C7orf33: variants seen among roughly 807,000 people sequenced by gnomAD.
C7orf33 encodes chromosome 7 open reading frame 33.
Under a neutral mutation model 13.4 loss-of-function variants are expected in C7orf33, and 15 were observed. The ratio of observed to expected loss-of-function variants is 1.12; its 90% confidence interval spans 0.75 to 1.72. C7orf33 has a LOEUF of 1.72. C7orf33 is among the 40% of genes most tolerant of loss of function. The pLI is 0.00. For missense variants in C7orf33, 187 were observed against 220.3 expected (o/e 0.85, Z 0.96); for synonymous variants, 73 against 83.2 (o/e 0.88, Z 0.67).
chr7:148,597,685 G>A lies in C7orf33; in HGVS notation c.204+6556G>A, dbSNP rs115985133. 7.7e-3 allele frequency among the ~76,000 whole-genome samples: 1,165 copies of A among 152,206 alleles called. 17 individuals are homozygous for A. Among genetic ancestry groups the A allele is most frequent in the African/African-American group, 0.027 (1,109 of 41,536 alleles). On this transcript the variant is annotated intron_variant, in intron 1 of 2. Transcript: ENST00000307003. ...CCTTCCCAATCTCCCATCCCAAAAA[G>A]TAACCATTATTCTGAATTCATTGTG...
intron 1 of C7orf33, among the ~76,000 whole-genome samples, chr7:148,606,939 C>CACACACACACAT: frequency 6.6e-6 from 1 of 151,172 alleles, no homozygotes; most frequent in African/African-American, 2.4e-5. Flanking sequence ...AAAATACACA[C>CACACACACACAT]ACACACACAC....
chr7:148,595,496 T>A (rs1447760931), intron 1 of C7orf33, among the ~76,000 whole-genome samples: 1 of 125,610 alleles, frequency 8.0e-6, no homozygotes, highest in Non-Finnish European at 1.5e-5. Context: ...ATACTATAGA[T>A]CTATATTATA....
intron 1 of C7orf33, among the ~76,000 whole-genome samples, chr7:148,600,328 A>G (rs544334662): frequency 9.9e-5 from 15 of 152,220 alleles, no homozygotes; most frequent in African/African-American, 3.4e-4. Context: ...AAAATTAGCT[A>G]GCCATGGTGG....
At chr7:148,591,580 AGTT>A (rs1197209620) in intron 1 of C7orf33, among the ~76,000 whole-genome samples, 4 of 151,766 alleles carry the variant, frequency 2.6e-5, no homozygotes, top group Admixed American at 1.3e-4. Flanking sequence ...AAAGACCAGG[AGTT>A]GTTGTTGTTG....
chr7:148,591,720 A>G (rs367816287), intron 1 of C7orf33, among the ~76,000 whole-genome samples: 1 of 152,142 alleles, frequency 6.6e-6, no homozygotes, highest in African/African-American at 2.4e-5. Flanking sequence ...GGCTAGGACT[A>G]CAGCCATGTG....
chr7:148,606,186 G>A (rs948419393), intron 1 of C7orf33, among the ~76,000 whole-genome samples: 8 of 152,148 alleles, frequency 5.3e-5, no homozygotes, highest in South Asian at 2.1e-4. Flanking sequence ...AAAGAAATTC[G>A]GAGGCAAGTT....
chr7:148,609,491 C>A (rs1796512097), intron 1 of C7orf33, among the ~76,000 whole-genome samples: 1 of 152,200 alleles, frequency 6.6e-6, no homozygotes, highest in South Asian at 2.1e-4. Context: ...TTAGGTTACC[C>A]TCAGTGATGT....
At chr7:148,593,792 C>T (rs181561954) in intron 1 of C7orf33, among the ~76,000 whole-genome samples, 9 of 151,988 alleles carry the variant, frequency 5.9e-5, no homozygotes, top group Admixed American at 5.9e-4. Context: ...GGTCAGAGCC[C>T]AGAGAGATGC....
intron 1 of C7orf33, among the ~76,000 whole-genome samples, chr7:148,606,931 A>AAC (rs761219669): frequency 5.0e-5 from 1 of 20,160 alleles, no homozygotes; most frequent in African/African-American, 7.7e-5. Context: ...TTAAAAAAAA[A>AAC]ATACACACAC....
At chr7:148,607,018 G>A (rs189923560) in intron 1 of C7orf33, among the ~76,000 whole-genome samples, 37 of 148,848 alleles carry the variant, frequency 2.5e-4, no homozygotes, top group African/African-American at 9.0e-4. Flanking sequence ...CAGACACCCA[G>A]GAAAGGAGTA....
chr7:148,597,730 ATTTGTTTTGTTTTGTTTTGT>A (rs60207753), intron 1 of C7orf33, among the ~76,000 whole-genome samples: 1 of 148,526 alleles, frequency 6.7e-6, no homozygotes, highest in African/African-American at 2.5e-5. Flanking sequence ...CTTCCTCTGC[ATTTGTTTTGTTTTGTTTTGT>A]TTTGTTTTGT....
chr7:148,615,514 C>A lies in C7orf33; in HGVS notation c.*113C>A. 1.4e-6 allele frequency: 1 copy of A among 691,832 alleles called. No homozygotes were observed. 42.9% of individuals were successfully genotyped at this position (691,832 alleles called of 1,614,324 possible). On this transcript the variant is annotated 3_prime_UTR_variant, in exon 3 of 3. Coordinates refer to ENST00000307003, the MANE Select transcript of C7orf33 (RefSeq NM_145304.4). ...TTCTGGAAATAACAGTTGATGAAAACTTGGTAATCTGAAGTCTGAACTTTG... is the reference window on the plus strand; with the variant it reads ...TTCTGGAAATAACAGTTGATGAAAAATTGGTAATCTGAAGTCTGAACTTTG...
At chr7:148,605,684 A>G (rs1418071542) in intron 1 of C7orf33, among the ~76,000 whole-genome samples, 1 of 152,176 alleles carries the variant, frequency 6.6e-6, no homozygotes, top group African/African-American at 2.4e-5. Flanking sequence ...TGAAGGTCTG[A>G]GTTTTAGCTC....
At chr7:148,610,511 C>A (rs1046637527) in intron 1 of C7orf33, among the ~76,000 whole-genome samples, 1 of 152,164 alleles carries the variant, frequency 6.6e-6, no homozygotes, top group Non-Finnish European at 1.5e-5. Flanking sequence ...AGCTTCCAGA[C>A]AGCCTATTGT....
At chr7:148,607,688 C>G (rs1454226625) in intron 1 of C7orf33, among the ~76,000 whole-genome samples, 3 of 151,932 alleles carry the variant, frequency 2.0e-5, no homozygotes, top group African/African-American at 2.4e-5. Context: ...AGTTTTTTGA[C>G]CAACCTTAAA....
chr7:148,614,125 G>A lies in C7orf33; in HGVS notation c.288G>A (p.Trp96Ter). The change falls in exon 2 of 3, where the codon TGG becomes TGA. Residue 96 changes from tryptophan to a stop codon, truncating the protein, a stop_gained. Transcript: ENST00000307003. LOFTEE classifies it high-confidence loss of function. ...VSAPTKSGAP[W>*]HFLSQGPTDA... The stretch of plus-strand genomic sequence containing the variant: ...CTCCCACCAAATCTGGTGCCCCGTG[G>A]CATTTTCTTTCTCAAGGTCCCACGG... 2 of 1,614,208 alleles carry A rather than the reference G, an allele frequency of 1.2e-6. No homozygotes were observed. Among genetic ancestry groups the A allele is most frequent in the Admixed American group, 1.7e-5 (1 of 60,026 alleles).
chr7:148,608,455 C>A (rs1351556252), intron 1 of C7orf33, among the ~76,000 whole-genome samples: 2 of 150,966 alleles, frequency 1.3e-5, no homozygotes, highest in African/African-American at 4.9e-5. Flanking sequence ...ATAATAAGTC[C>A]CCTCCCCTTG....
rs1414541995 is a variant in C7orf33, at chr7:148,595,476, T to C, written c.204+4347T>C. On this transcript the variant is annotated intron_variant, in intron 1 of 2. Coordinates refer to ENST00000307003, the MANE Select transcript of C7orf33 (RefSeq NM_145304.4). ...TTATATAGCTATATATATGCTATTA[T>C]ATATTATATATACTATAGATCTATA... Among the ~76,000 whole-genome samples the C allele has an allele frequency of 3.1e-5, 4 of 127,362 alleles. No homozygotes were observed. The South Asian group carries it at 8.7e-4, about 28-fold the overall frequency. The allele number at this position is 127,362 out of a possible 152,430, so 83.6% of individuals were successfully genotyped here.
chr7:148,603,506 C>CA (rs1464864211), intron 1 of C7orf33, among the ~76,000 whole-genome samples: 3 of 151,636 alleles, frequency 2.0e-5, no homozygotes, highest in South Asian at 2.1e-4. Context: ...ACTCTGTCTC[C>CA]AAAAAAAGAG....
Sources: gnomAD v4.1 joint callset for allele counts (sites outside exome capture counted in the v4.1 genomes callset) on GRCh38, gnomAD v4.1.1 for gene constraint, MANE v1.5 for transcripts, NCBI Gene and HGNC (gene_info 2026-07-23, HGNC 2026-07-21) for gene names.